The following FSTL5 variants were observed in gnomAD, a reference collection of about 807,000 sequenced individuals.
FSTL5 encodes the protein follistatin like 5, also known as follistatin-related protein 5.
Under a neutral mutation model 89.1 loss-of-function variants are expected in FSTL5, and 62 were observed. The ratio of observed to expected loss-of-function variants is 0.70; its 90% CI spans 0.57 to 0.86. The LOEUF (loss-of-function observed/expected upper bound fraction) is 0.86, where lower values mean the gene tolerates loss of function less well. Among genes scored for constraint, FSTL5 ranks in the 40% least tolerant of loss-of-function variants. FSTL5 has a pLI of 0.00. For missense variants in FSTL5, 1,057 were observed against 1,001.6 expected (o/e 1.06, Z -0.75); for synonymous variants, 383 against 346.2 (o/e 1.11, Z -1.18).
At chr4:161,732,386 T>A (rs1739642115) in intron 6 of FSTL5, among the ~76,000 whole-genome samples, 1 of 152,076 alleles carries the variant, frequency 6.6e-6, no homozygotes, top group East Asian at 1.9e-4. Flanking sequence ...TTTATTCTTT[T>A]TTAAATGAAG....
intron 14 of FSTL5, among the ~76,000 whole-genome samples, 182 bp downstream of exon 14, chr4:161,459,030 T>G (rs140625022): frequency 1.2e-3 from 171 of 145,710 alleles, no homozygotes; most frequent in African/African-American, 4.1e-3. Flanking sequence ...TATCTATGAT[T>G]TTTCCCAGTC....
At chr4:161,766,644 C>A (rs952193764) in intron 5 of FSTL5, among the ~76,000 whole-genome samples, 1 of 152,138 alleles carries the variant, frequency 6.6e-6, no homozygotes, top group African/African-American at 2.4e-5. Context: ...CAAATATATT[C>A]TTCACCATAC....
chr4:161,761,990 G>A lies in FSTL5; in HGVS notation c.607-2459C>T, dbSNP rs982110095. ...CACATTCTGGTGTTTACTAATGAGG[G>A]AGGTACTTTCCTATGACTTTTCTTC... On this transcript the variant is annotated intron_variant, in intron 5 of 15. Coordinates refer to ENST00000306100, the MANE Select transcript of FSTL5 (RefSeq NM_020116.5). Among the ~76,000 whole-genome samples the A allele has an allele frequency of 2.6e-5, 4 of 152,212 alleles. No homozygotes were observed. The South Asian group carries it at 6.2e-4, about 24-fold the overall frequency.
chr4:161,989,776 T>C (rs978887844), intron 3 of FSTL5, among the ~76,000 whole-genome samples: 6 of 152,158 alleles, frequency 3.9e-5, no homozygotes, highest in African/African-American at 1.2e-4. Flanking sequence ...TTTTCAGTGA[T>C]GGATCTTTAG....
intron 2 of FSTL5, among the ~76,000 whole-genome samples, chr4:162,040,801 A>AC (rs1432496871): frequency 6.6e-6 from 1 of 151,408 alleles, no homozygotes; most frequent in Non-Finnish European, 1.5e-5. Flanking sequence ...CTAAATCAGC[A>AC]CCCCCATTAT....
At chr4:161,813,135 T>C (rs1730214181) in intron 4 of FSTL5, among the ~76,000 whole-genome samples, 2 of 151,818 alleles carry the variant, frequency 1.3e-5, no homozygotes, top group South Asian at 4.2e-4. Context: ...CAAGTGATTC[T>C]CCTGTTTCAG....
intron 1 of FSTL5, among the ~76,000 whole-genome samples, chr4:162,113,373 T>C (rs1731521077): frequency 6.6e-6 from 1 of 152,110 alleles, no homozygotes; most frequent in Non-Finnish European, 1.5e-5. Flanking sequence ...CCCTCCAAAT[T>C]GACGGTCCCC....
At chr4:161,674,104 T>C (rs1737216684) in intron 6 of FSTL5, among the ~76,000 whole-genome samples, 1 of 152,054 alleles carries the variant, frequency 6.6e-6, no homozygotes, top group South Asian at 2.1e-4. Flanking sequence ...TCACTATTAA[T>C]AGAAGTGTTT....
At chr4:161,566,135 T>TAC (rs1553998308) in intron 8 of FSTL5, among the ~76,000 whole-genome samples, 1,883 of 54,752 alleles carry the variant, frequency 0.034, 73 homozygotes, top group Middle Eastern at 0.069. Flanking sequence ...TATATATATA[T>TAC]ACACACACAC....
chr4:161,994,402 T>C (rs1736227917), intron 3 of FSTL5, among the ~76,000 whole-genome samples: 1 of 152,174 alleles, frequency 6.6e-6, no homozygotes, highest in Non-Finnish European at 1.5e-5. Context: ...GCACCCCATA[T>C]TGGGATTGCT....
intron 2 of FSTL5, among the ~76,000 whole-genome samples, chr4:162,100,422 T>C (rs1248420770): frequency 6.6e-6 from 1 of 152,006 alleles, no homozygotes; most frequent in African/African-American, 2.4e-5. Context: ...TATCCAGGTG[T>C]GGTGAGGAAA....
intron 11 of FSTL5, among the ~76,000 whole-genome samples, chr4:161,508,912 G>T (rs1184611327): frequency 1.3e-5 from 2 of 152,008 alleles, no homozygotes; most frequent in Non-Finnish European, 2.9e-5. Context: ...TGTAGTACTT[G>T]GTTCAGACTT....
chr4:161,915,573 A>C (rs1396257731), intron 4 of FSTL5, among the ~76,000 whole-genome samples: 1 of 152,198 alleles, frequency 6.6e-6, no homozygotes, highest in Non-Finnish European at 1.5e-5. Flanking sequence ...CCGAATTAAA[A>C]AATGTTAACA....
chr4:162,077,308 G>A (rs1170032326), intron 2 of FSTL5, among the ~76,000 whole-genome samples: 1 of 151,716 alleles, frequency 6.6e-6, no homozygotes, highest in Non-Finnish European at 1.5e-5. Context: ...CATTCATGAG[G>A]GTGGTGTGCC....
intron 2 of FSTL5, among the ~76,000 whole-genome samples, chr4:162,045,312 G>A (rs1221296977): frequency 2.6e-5 from 4 of 152,102 alleles, no homozygotes; most frequent in Middle Eastern, 3.4e-3. Context: ...GGTAACAGCC[G>A]GTCTGGCAGA....
intron 4 of FSTL5, among the ~76,000 whole-genome samples, chr4:161,912,021 T>A (rs1006192126): frequency 6.6e-6 from 1 of 152,172 alleles, no homozygotes; most frequent in Non-Finnish European, 1.5e-5. Flanking sequence ...CAGAAAGAAT[T>A]TCAGAAGTGA....
chr4:161,867,235 T>A (rs1473150443), intron 4 of FSTL5, among the ~76,000 whole-genome samples: 1 of 152,018 alleles, frequency 6.6e-6, no homozygotes, highest in African/African-American at 2.4e-5. Context: ...TTACCTACTA[T>A]CTTGAAATTG....
intron 6 of FSTL5, among the ~76,000 whole-genome samples, chr4:161,712,594 T>C (rs1005064286): frequency 8.5e-5 from 13 of 152,162 alleles, no homozygotes; most frequent in African/African-American, 3.1e-4. Context: ...AAATGATACA[T>C]GGTTGCTGAG....
intron 6 of FSTL5, among the ~76,000 whole-genome samples, chr4:161,695,224 C>T (rs969048942): frequency 6.6e-6 from 1 of 151,882 alleles, no homozygotes; most frequent in Non-Finnish European, 1.5e-5. Flanking sequence ...GCCTTTCCCC[C>T]GAGTCCCCAA....
Sources: gnomAD v4.1 joint callset for allele counts (sites outside exome capture counted in the v4.1 genomes callset) on GRCh38, gnomAD v4.1.1 for gene constraint, MANE v1.5 for transcripts, NCBI Gene and HGNC (gene_info 2026-07-23, HGNC 2026-07-21) for gene names.